The following ANKRD36C variants were observed in gnomAD, a reference collection of about 807,000 sequenced individuals.
The protein encoded by ANKRD36C is ankyrin repeat domain 36C, also known as ankyrin repeat domain-containing protein 36C.
A neutral mutation model predicts 276.4 loss-of-function variants in ANKRD36C; 61 were observed. The ratio of observed to expected loss-of-function variants is 0.22; its 90% confidence interval spans 0.18 to 0.27. ANKRD36C has a LOEUF of 0.27. Ranked by LOEUF, ANKRD36C falls within the 10% of genes least tolerant of loss-of-function variation. The pLI is 1.00. For missense variants in ANKRD36C, 1,447 were observed against 2,032.3 expected (o/e 0.71, Z 5.54); for synonymous variants, 483 against 680.1 (o/e 0.71, Z 4.51).
chr2:95,912,418 G>C (rs554743371), exon 41 of ANKRD36C: 289 of 1,604,540 alleles, frequency 1.8e-4, no homozygotes, highest in African/African-American at 2.3e-4. Flanking sequence ...TTCAAGGCTG[G>C]TTTTTTCCGA....
In ANKRD36C at chr2:95,858,721, A is replaced by G. The variant is rs559498746; in HGVS notation, c.3896+1140T>C. Reference sequence around the variant, plus strand: ...CATTTTCGATGTCTTTATGAAACATATATCAGCAGATTACTGTAATCCAAG... The same window carrying G: ...CATTTTCGATGTCTTTATGAAACATGTATCAGCAGATTACTGTAATCCAAG... On this transcript the variant is annotated intron_variant, in intron 61 of 66. Transcript: ENST00000456556. 1.7e-3 allele frequency among the ~76,000 whole-genome samples: 260 copies of G among 152,332 alleles called. 1 individual carries two copies. Among genetic ancestry groups the G allele is most frequent in the Non-Finnish European group, 3.2e-3 (219 of 68,018 alleles).
rs749923641 is a variant in ANKRD36C at position 95,881,864 on chromosome 2, TG to T, written c.3367+437del. The stretch of plus-strand genomic sequence containing the variant: ...TTGATGAAAATAATTACTACATCAG[TG>T]GTCACCTTGCTCCTCATTCTCCAGT... On this transcript the variant is annotated intron_variant, in intron 56 of 66. Coordinates refer to ENST00000456556, the Ensembl canonical transcript of ANKRD36C. Among the ~76,000 whole-genome samples the T allele has an allele frequency of 2.7e-4, 38 of 142,570 alleles. No homozygotes were observed. The East Asian group carries it at 5.9e-3, about 22-fold the overall frequency. The allele number at this position is 142,570 out of a possible 152,430, so 93.5% of individuals were successfully genotyped here.
chr2:95,954,281 G>A (rs1678276291), intron 13 of ANKRD36C, among the ~76,000 whole-genome samples: 2 of 152,096 alleles, frequency 1.3e-5, no homozygotes, highest in South Asian at 4.1e-4. Flanking sequence ...AATAGTGACA[G>A]GCATTATAAT....
chr2:95,958,452 A>G (rs1013782306), intron 12 of ANKRD36C, 139 bp downstream of exon 12: 1 of 1,170,080 alleles, frequency 8.5e-7, no homozygotes, highest in Non-Finnish European at 1.2e-6. Context: ...TCACTCAAGA[A>G]CTTATTACAA....
chr2:95,922,038 T>C (rs2104424127), intron 32 of ANKRD36C, among the ~76,000 whole-genome samples: 1 of 151,744 alleles, frequency 6.6e-6, no homozygotes, highest in South Asian at 2.1e-4. Context: ...ATTTCTCGTA[T>C]ATCTAAAAGA....
At chr2:95,875,846 T>C (rs1675940115) in intron 59 of ANKRD36C, 1 of 178,520 alleles carries the variant, frequency 5.6e-6, no homozygotes, top group East Asian at 1.6e-4. Context: ...AGATTTTCTA[T>C]ATTGAAATAC....
chr2:95,854,658 T>C (rs1172465708), intron 63 of ANKRD36C, among the ~76,000 whole-genome samples: 3 of 152,094 alleles, frequency 2.0e-5, no homozygotes, highest in African/African-American at 7.2e-5. Context: ...TACTGCATTT[T>C]CCCCATATTA....
chr2:95,923,625 G>C, intron 31 of ANKRD36C, 36 bp downstream of exon 31: 1 of 1,609,060 alleles, frequency 6.2e-7, no homozygotes. Flanking sequence ...GGACTATACA[G>C]TTACTAATAC....
chr2:95,894,539 T>C (rs1211389361), intron 44 of ANKRD36C, among the ~76,000 whole-genome samples: 3 of 151,380 alleles, frequency 2.0e-5, no homozygotes, highest in Non-Finnish European at 4.4e-5. Flanking sequence ...CTCTAGGACT[T>C]AATTAGAATG....
intron 38 of ANKRD36C, among the ~76,000 whole-genome samples, chr2:95,915,489 T>C (rs1267552789): frequency 1.3e-5 from 2 of 151,524 alleles, no homozygotes; most frequent in African/African-American, 2.4e-5. Flanking sequence ...ATTATATAAA[T>C]GACTTCCTCT....
downstream of ANKRD36C, among the ~76,000 whole-genome samples, chr2:95,849,620 C>G (rs1220520479): frequency 1.3e-5 from 2 of 152,154 alleles, no homozygotes; most frequent in South Asian, 2.1e-4. Context: ...CACAACTCAT[C>G]ATAATGGAGA....
chr2:95,865,048 G>C (rs1466054690), intron 60 of ANKRD36C, among the ~76,000 whole-genome samples: 3 of 151,818 alleles, frequency 2.0e-5, no homozygotes, highest in Non-Finnish European at 4.4e-5. Context: ...TGTATATTTG[G>C]ATTAGCAATG....
intron 17 of ANKRD36C, among the ~76,000 whole-genome samples, chr2:95,947,901 G>A (rs1678096272): frequency 6.6e-6 from 1 of 151,960 alleles, no homozygotes; most frequent in Non-Finnish European, 1.5e-5. Context: ...AATTCTCCTG[G>A]CTTGAACTCT....
At chr2:95,891,439 T>G (rs1374607691) in intron 46 of ANKRD36C, among the ~76,000 whole-genome samples, 1 of 151,450 alleles carries the variant, frequency 6.6e-6, no homozygotes, top group East Asian at 1.9e-4. Context: ...GCTCTCCATA[T>G]TTCTTCTTCC....
intron 59 of ANKRD36C, chr2:95,876,060 A>C: frequency 2.7e-6 from 1 of 372,224 alleles, no homozygotes; most frequent in Non-Finnish European, 5.3e-6. Flanking sequence ...AACCACTAGC[A>C]ATAATTACTC....
intron 40 of ANKRD36C, 45 bp from the exon 43 acceptor site, chr2:95,912,480 T>C (rs1241500598): frequency 6.2e-7 from 1 of 1,603,684 alleles, no homozygotes; most frequent in Non-Finnish European, 8.5e-7. Context: ...GTAAATATGA[T>C]AAAGTTATCC....
chr2:95,945,429 A>G (rs866136851), intron 17 of ANKRD36C, among the ~76,000 whole-genome samples: 1 of 150,832 alleles, frequency 6.6e-6, no homozygotes, highest in Non-Finnish European at 1.5e-5. Context: ...TATGATATCC[A>G]TTAGTTTCTT....
At chr2:95,902,185 A>C (rs1201146374) in intron 42 of ANKRD36C, among the ~76,000 whole-genome samples, 33 of 149,852 alleles carry the variant, frequency 2.2e-4, no homozygotes, top group African/African-American at 4.6e-4. Flanking sequence ...TTTATAACTA[A>C]AATCAACAAA....
intron 44 of ANKRD36C, among the ~76,000 whole-genome samples, chr2:95,893,180 G>A (rs184775826): frequency 2.0e-5 from 3 of 151,482 alleles, no homozygotes; most frequent in African/African-American, 4.8e-5. Context: ...TTAGCAGTAC[G>A]ATGTGACGTC....
Sources: allele counts gnomAD v4.1 joint callset (sites outside exome capture counted in the v4.1 genomes callset), GRCh38; gene constraint gnomAD v4.1.1; transcripts MANE v1.5; gene names NCBI Gene and HGNC (gene_info 2026-07-23, HGNC 2026-07-21).